Variants in CTNNA3 observed in about 807,000 individuals in gnomAD.
CTNNA3 encodes the protein catenin alpha 3, also known as catenin alpha-3.
A neutral mutation model predicts 95.7 loss-of-function variants in CTNNA3; 76 were observed. The observed-to-expected ratio is 0.79, with a 90% CI of 0.66 to 0.96. The LOEUF (loss-of-function observed/expected upper bound fraction) is 0.96. Among genes scored for constraint, CTNNA3 ranks in the 40% least tolerant of loss-of-function variants. The probability of loss-of-function intolerance (pLI) is 0.00; values close to 1 mark genes in which losing one functional copy is unlikely to be tolerated. For synonymous variants in CTNNA3, 431 were observed against 374.4 expected (o/e 1.15, Z -1.74); for missense variants, 1,191 against 1,089.8 (o/e 1.09, Z -1.31).
In CTNNA3 at chr10:65,934,417, C is replaced by T. The variant is rs140284485; in HGVS notation, c.2401-13800G>A. 1.5e-3 allele frequency among the ~76,000 whole-genome samples: 232 copies of T among 152,050 alleles called. 1 individual carries two copies. Among genetic ancestry groups the T allele is most frequent in the East Asian group, 0.015 (78 of 5,174 alleles). Reference sequence around the variant, plus strand: ...TTCATGCTGTGGGCACTCGGTGTAGCACTGGCTTATCTAACTCCCAGGTCA... The same window carrying T: ...TTCATGCTGTGGGCACTCGGTGTAGTACTGGCTTATCTAACTCCCAGGTCA... On this transcript the variant is annotated intron_variant, in intron 17 of 17. Transcript: ENST00000433211.
chr10:67,542,329 T>C (rs1840707744), intron 3 of CTNNA3, among the ~76,000 whole-genome samples: 1 of 152,104 alleles, frequency 6.6e-6, no homozygotes, highest in Non-Finnish European at 1.5e-5. Flanking sequence ...TTCATCATAA[T>C]TTATTATAAC....
intron 11 of CTNNA3, among the ~76,000 whole-genome samples, chr10:66,406,321 C>A (rs1203593547): frequency 2.0e-5 from 3 of 152,062 alleles, no homozygotes; most frequent in Non-Finnish European, 4.4e-5. Flanking sequence ...TTTTTCATCA[C>A]CACCACAAAG....
intron 5 of CTNNA3, among the ~76,000 whole-genome samples, chr10:67,298,411 G>T (rs1382453441): frequency 6.6e-6 from 1 of 152,194 alleles, no homozygotes; most frequent in South Asian, 2.1e-4. Flanking sequence ...ACCTGCTTTA[G>T]TGTCACTCTA....
intron 5 of CTNNA3, among the ~76,000 whole-genome samples, chr10:67,488,867 G>C (rs1429380455): frequency 6.6e-6 from 1 of 151,710 alleles, no homozygotes; most frequent in Non-Finnish European, 1.5e-5. Flanking sequence ...ACAGGGTTTT[G>C]CCATGTTACC....
Position 66,976,746 on chromosome 10 carries a change from A to C in CTNNA3, c.1048-201222T>G, listed in dbSNP as rs75329411. 5.6e-3 allele frequency among the ~76,000 whole-genome samples: 847 copies of C among 152,244 alleles called. 11 individuals carry two copies. The highest frequency in any genetic ancestry group is 0.019 in the African/African-American group (802 of 41,534). ...TCTCTGAACTTAGTGCTGTTTTCTC[A>C]TTATTCATTTCATCTAGAGTAAGTC... On this transcript the variant is annotated intron_variant, in intron 7 of 17. Transcript: ENST00000433211.
chr10:66,754,444 C>T (rs1211959819), intron 9 of CTNNA3, among the ~76,000 whole-genome samples: 1 of 152,038 alleles, frequency 6.6e-6, no homozygotes, highest in Non-Finnish European at 1.5e-5. Context: ...TCTTTATGAA[C>T]TTGGATTAGG....
chr10:67,063,865 AATCAATC>A (rs1399362274), intron 7 of CTNNA3, among the ~76,000 whole-genome samples: 2 of 152,216 alleles, frequency 1.3e-5, no homozygotes, highest in Admixed American at 1.3e-4. Flanking sequence ...TGATGCTAGC[AATCAATC>A]AAATACTCTG....
intron 5 of CTNNA3, among the ~76,000 whole-genome samples, chr10:67,510,582 T>C (rs902282243): frequency 6.6e-6 from 1 of 152,292 alleles, no homozygotes; most frequent in African/African-American, 2.4e-5. Context: ...TACCATGCTC[T>C]TTTGGTTACT....
rs1323499618 is a variant in CTNNA3 at position 67,125,307 on chromosome 10, A to C, written c.1047+55010T>G. ...TTAAAATACTGATTTCAGTGACCTG[A>C]GTGTGACTGTCATTTGTCTAAAATA... On this transcript the variant is annotated intron_variant, in intron 7 of 17. Transcript: ENST00000433211. Among the ~76,000 whole-genome samples the C allele has an allele frequency of 2.6e-5, 4 of 152,172 alleles. No individual in the cohort carries two copies. In the East Asian group the frequency reaches 7.7e-4, roughly 29 times the overall value.
chr10:66,842,639 G>C (rs1214134598), intron 7 of CTNNA3, among the ~76,000 whole-genome samples: 1 of 152,172 alleles, frequency 6.6e-6, no homozygotes, highest in Non-Finnish European at 1.5e-5. Context: ...TGATTAATGA[G>C]GAAGGGGTGG....
chr10:67,042,894 T>G lies in CTNNA3; in HGVS notation c.1047+137423A>C, dbSNP rs186741597. ...AGGGCAATAGACCAGAGGGTTTAAC[T>G]ATATTTCCTGTAACAAATTTGAATA... On this transcript the variant is annotated intron_variant, in intron 7 of 17. Transcript: ENST00000433211. Among the ~76,000 whole-genome samples the G allele has an allele frequency of 7.9e-5, 12 of 152,262 alleles. No homozygotes were observed. The East Asian group carries it at 2.3e-3, about 29-fold the overall frequency.
intron 4 of CTNNA3, among the ~76,000 whole-genome samples, chr10:67,535,727 T>A (rs1840468384): frequency 6.6e-6 from 1 of 152,114 alleles, no homozygotes; most frequent in Non-Finnish European, 1.5e-5. Context: ...CTAGAATGCA[T>A]AGAAAAGGAT....
intron 2 of CTNNA3, among the ~76,000 whole-genome samples, chr10:67,615,803 C>CA (rs1843637992): frequency 6.6e-6 from 1 of 151,816 alleles, no homozygotes; most frequent in Non-Finnish European, 1.5e-5. Flanking sequence ...GCTGGCATTA[C>CA]AGGTGCCTGT....
At chr10:66,880,217 T>G (rs549607835) in intron 7 of CTNNA3, among the ~76,000 whole-genome samples, 2 of 152,212 alleles carry the variant, frequency 1.3e-5, no homozygotes, top group East Asian at 3.9e-4. Flanking sequence ...CTCATCTACC[T>G]GGACACACAT....
At chr10:67,250,676 G>T (rs1254862288) in intron 5 of CTNNA3, among the ~76,000 whole-genome samples, 1 of 152,090 alleles carries the variant, frequency 6.6e-6, no homozygotes, top group Non-Finnish European at 1.5e-5. Flanking sequence ...TGGAACCAGC[G>T]CATATGGAGG....
At chr10:67,458,727 A>G (rs752424807) in intron 5 of CTNNA3, among the ~76,000 whole-genome samples, 2 of 152,102 alleles carry the variant, frequency 1.3e-5, no homozygotes, top group Non-Finnish European at 2.9e-5. Flanking sequence ...AAAAATACAA[A>G]AAGAGGTTTA....
At chr10:66,120,845 A>G (rs187424875) in intron 13 of CTNNA3, among the ~76,000 whole-genome samples, 1 of 152,180 alleles carries the variant, frequency 6.6e-6, no homozygotes, top group Admixed American at 6.5e-5. Flanking sequence ...GTCCAAAGAG[A>G]GGAAAAGAAA....
In CTNNA3 at chr10:67,057,181, T is replaced by C. The variant is rs540625810; in HGVS notation, c.1047+123136A>G. ...ATTGACAAATAGAAAGAGTTTATATTCAAGGCATACAATGTGATGTTTTGA... is the reference window on the plus strand; with the variant it reads ...ATTGACAAATAGAAAGAGTTTATATCCAAGGCATACAATGTGATGTTTTGA... On this transcript the variant is annotated intron_variant, in intron 7 of 17. Coordinates refer to ENST00000433211, the MANE Select transcript of CTNNA3 (RefSeq NM_013266.4). 3.3e-5 allele frequency among the ~76,000 whole-genome samples: 5 copies of C among 152,286 alleles called. No homozygotes were observed. In the South Asian group the frequency reaches 6.2e-4, roughly 19 times the overall value.
chr10:66,526,765 A>G (rs1054550969), intron 10 of CTNNA3, among the ~76,000 whole-genome samples: 1 of 152,100 alleles, frequency 6.6e-6, no homozygotes, highest in Non-Finnish European at 1.5e-5. Context: ...AGAAATGTCT[A>G]TTCAAGTATT....
Sources: gnomAD v4.1 joint callset for allele counts (sites outside exome capture counted in the v4.1 genomes callset) on GRCh38, gnomAD v4.1.1 for gene constraint, MANE v1.5 for transcripts, NCBI Gene and HGNC (gene_info 2026-07-23, HGNC 2026-07-21) for gene names.